The following GPHN variants were observed in gnomAD, a reference collection of about 807,000 sequenced individuals.
GPHN encodes the protein gephyrin.
In GPHN, 17 loss-of-function variants were observed where a neutral mutation model predicts 95.5. The ratio of observed to expected loss-of-function variants is 0.18; its 90% CI spans 0.12 to 0.27. GPHN has a LOEUF of 0.27. GPHN is among the 10% of genes least tolerant of loss of function. The pLI is 1.00. For synonymous variants in GPHN, 320 were observed against 322.5 expected (o/e 0.99, Z 0.08); for missense variants, 660 against 978.1 (o/e 0.67, Z 4.34).
chr14:67,097,854 C>T (rs1015920567), intron 12 of GPHN, among the ~76,000 whole-genome samples: 11 of 151,970 alleles, frequency 7.2e-5, no homozygotes, highest in African/African-American at 2.7e-4. Context: ...ACATCAAAAG[C>T]CAATGATATA....
intron 1 of GPHN, among the ~76,000 whole-genome samples, chr14:66,626,955 A>G (rs2063550147): frequency 6.6e-6 from 1 of 151,896 alleles, no homozygotes; most frequent in Non-Finnish European, 1.5e-5. Context: ...CTTTATAGAG[A>G]TTTGCTTTAT....
At chr14:67,246,670 G>C in the GPHN span, among the ~76,000 whole-genome samples, 1 of 17,128 alleles carries the variant, frequency 5.8e-5, no homozygotes, top group South Asian at 2.6e-3. Context: ...TTTTTTTTTT[G>C]AGATGGAGTC....
At chr14:66,835,889 T>C (rs1433655252) in intron 4 of GPHN, among the ~76,000 whole-genome samples, 3 of 150,746 alleles carry the variant, frequency 2.0e-5, no homozygotes, top group South Asian at 2.1e-4. Flanking sequence ...TTACAAGGGA[T>C]GTGAAGGACC....
intron 3 of GPHN, among the ~76,000 whole-genome samples, chr14:66,781,924 T>C (rs1386466848): frequency 6.6e-6 from 1 of 152,182 alleles, no homozygotes. Context: ...AACATGTATT[T>C]TCAACTTTCC....
intron 8 of GPHN, among the ~76,000 whole-genome samples, chr14:66,961,037 A>T (rs981994923): frequency 6.6e-6 from 1 of 152,112 alleles, no homozygotes; most frequent in Non-Finnish European, 1.5e-5. Context: ...GTTAAGTGAA[A>T]TAAAGGCAGG....
At chr14:66,988,378 A>T (rs752625291) in intron 9 of GPHN, among the ~76,000 whole-genome samples, 3 of 152,000 alleles carry the variant, frequency 2.0e-5, no homozygotes, top group Non-Finnish European at 4.4e-5. Flanking sequence ...CTTGTTAGTT[A>T]TGTCAGCAGA....
chr14:67,490,067 G>C, the GPHN span, among the ~76,000 whole-genome samples: 8 of 152,176 alleles, frequency 5.3e-5, no homozygotes, highest in Non-Finnish European at 1.2e-4. Context: ...TAAAATTTCT[G>C]CTGGATGGAT....
Position 66,840,142 on chromosome 14 carries a change from G to A in GPHN, c.294+15576G>A, listed in dbSNP as rs113399867. On this transcript the variant is annotated intron_variant, in intron 4 of 22. Transcript: ENST00000478722. The stretch of plus-strand genomic sequence containing the variant: ...AAAAATAGAAAAAATAGCCAGGCAT[G>A]ATGACATGCCCCTGTAATCCCATCT... Among the ~76,000 whole-genome samples, 469 of 152,210 alleles carry A rather than the reference G, an allele frequency of 3.1e-3. 11 individuals carry two copies. The highest frequency in any genetic ancestry group is 0.011 in the African/African-American group (444 of 41,536).
At chr14:67,442,256 G>T in the GPHN span, among the ~76,000 whole-genome samples, 1 of 152,112 alleles carries the variant, frequency 6.6e-6, no homozygotes, top group African/African-American at 2.4e-5. Context: ...AGGGTTAGGA[G>T]GTCAACCCAC....
the GPHN span, chr14:67,650,599 A>G: frequency 6.8e-6 from 6 of 882,196 alleles, no homozygotes; most frequent in South Asian, 7.6e-5. Context: ...GGTATTTTCT[A>G]CTATAAAATG....
the GPHN span, chr14:67,582,374 T>C: frequency 8.2e-7 from 1 of 1,216,794 alleles, no homozygotes; most frequent in Non-Finnish European, 1.2e-6. This position sits in a 1 kb window ranked among gnomAD's most constrained non-coding sequence, Gnocchi z 5.0. Context: ...AGATCAGAGC[T>C]CCTCACTCAC....
intron 18 of GPHN, among the ~76,000 whole-genome samples, chr14:67,147,342 T>C (rs1396135892): frequency 6.6e-6 from 1 of 152,226 alleles, no homozygotes; most frequent in African/African-American, 2.4e-5. Context: ...CTATAGCTTG[T>C]AGCAAAGCCT....
intron 5 of GPHN, among the ~76,000 whole-genome samples, chr14:66,909,473 C>T (rs1405608493): frequency 6.6e-6 from 1 of 151,926 alleles, no homozygotes; most frequent in Non-Finnish European, 1.5e-5. Flanking sequence ...TTAAAAGATA[C>T]ATCAGGATAA....
chr14:67,180,857 A>T lies in GPHN; in HGVS notation c.2230A>T (p.Met744Leu). The change falls in exon 23 of 23, where the codon ATG becomes TTG. Residue 744 changes from methionine to leucine, a missense_variant. Met to Leu is a conservative substitution (Grantham distance 15). This residue lies in a region of GPHN where 48 missense variants were observed against 137.4 expected (regional missense o/e 0.35). Transcript: ENST00000478722. ...MSMRSANGLLMLPPKTEQYVE... is the reference protein window; with the variant it reads ...MSMRSANGLLLLPPKTEQYVE... ...CATGCGCAGTGCCAATGGATTGTTG[A>T]TGCTACCTCCAAAGACAGAACAGTA... 6.2e-7 allele frequency: 1 copy of T among 1,613,926 alleles called. No individual in the cohort carries two copies. The highest frequency in any genetic ancestry group is 8.5e-7 in the Non-Finnish European group (1 of 1,179,866).
the GPHN span, among the ~76,000 whole-genome samples, chr14:67,415,265 C>CTT: frequency 4.6e-4 from 69 of 150,848 alleles, no homozygotes; most frequent in African/African-American, 1.4e-3. Context: ...TGAACCCTGC[C>CTT]TTTTTTTTTA....
At chr14:66,911,427 A>C (rs2153555630) in intron 5 of GPHN, among the ~76,000 whole-genome samples, 1 of 152,128 alleles carries the variant, frequency 6.6e-6, no homozygotes, top group African/African-American at 2.4e-5. Flanking sequence ...ATGGTATATG[A>C]ATTTTATATT....
At chr14:67,445,577 CTTTTT>C in the GPHN span, among the ~76,000 whole-genome samples, 287 of 59,934 alleles carry the variant, frequency 4.8e-3, 5 homozygotes, top group African/African-American at 0.019. Flanking sequence ...AGAGGCAATT[CTTTTT>C]TTTTTTTTTT....
chr14:67,011,556 A>G (rs972645980), intron 9 of GPHN, among the ~76,000 whole-genome samples: 13 of 138,232 alleles, frequency 9.4e-5, no homozygotes, highest in South Asian at 5.1e-4. Flanking sequence ...CCTGGACAGT[A>G]GAGTGAGACC....
At chr14:67,477,595 C>A in the GPHN span, among the ~76,000 whole-genome samples, 1 of 152,134 alleles carries the variant, frequency 6.6e-6, no homozygotes, top group Non-Finnish European at 1.5e-5. Context: ...GACAGCTCCC[C>A]CTAATGTCCC....
Sources: gnomAD v4.1 joint callset for allele counts (sites outside exome capture counted in the v4.1 genomes callset) on GRCh38, gnomAD v4.1.1 for gene constraint, gnomAD v4.1.1 regional missense constraint, Gnocchi (gnomAD v3.1) non-coding constraint, MANE v1.5 for transcripts, NCBI Gene and HGNC (gene_info 2026-07-23, HGNC 2026-07-21) for gene names.